Variants in NLRC4 observed in about 807,000 individuals in gnomAD.
The protein encoded by NLRC4 is NLR family CARD domain containing 4, also known as NLR family CARD domain-containing protein 4.
NLRC4 carries 63 observed loss-of-function variants against 79.9 expected under a neutral mutation model. That is an observed-to-expected ratio of 0.79 (90% CI 0.64 to 0.97). The LOEUF is 0.97. Ranked by LOEUF, NLRC4 falls within the 50% of genes least tolerant of loss-of-function variation. The pLI, the probability that NLRC4 is intolerant of heterozygous loss-of-function variation, is 0.00. For synonymous variants in NLRC4, 461 were observed against 456.5 expected (o/e 1.01, Z -0.12); for missense variants, 1,074 against 1,215.2 (o/e 0.88, Z 1.73).
At position 32,251,544 on chromosome 2, in the gene NLRC4, T is replaced by G; in HGVS notation, c.320A>C (p.Asp107Ala). Residue 107 changes from aspartate (D) to alanine (A), a missense_variant, in exon 4 of 9, where the codon GAC becomes GCC. Coordinates refer to ENST00000402280, the MANE Select transcript of NLRC4 (RefSeq NM_001199138.2). ...CAGAAAAGATGGGGTATGGTACAAG[T>G]CCTTTAAATCCTGAGCCAAATCGTC... ...DLDDLAQDLKDLYHTPSFLNF... is the reference protein window; with the variant it reads ...DLDDLAQDLKALYHTPSFLNF... The G allele has an allele frequency of 6.2e-7, 1 of 1,612,750 alleles. No homozygotes were observed. The highest frequency in any genetic ancestry group is 8.5e-7 in the Non-Finnish European group (1 of 1,179,420).
Position 32,251,322 on chromosome 2 carries a change from C to G in NLRC4, c.542G>C (p.Arg181Pro), listed in dbSNP as rs774856648. 4 of 1,614,092 alleles carry G rather than the reference C, an allele frequency of 2.5e-6. No homozygotes were observed. The Admixed American group carries it at 6.7e-5, about 27-fold the overall frequency. The stretch of plus-strand genomic sequence containing the variant: ...TCCGGAGCCCCAGAGCATGGCAATT[C>G]GCTGCAGCAGAGTGGACTTGCCTTT... Reference protein sequence around the residue: ...SGKGKSTLLQRIAMLWGSGKC... With the variant: ...SGKGKSTLLQPIAMLWGSGKC... Residue 181 changes from arginine (R) to proline (P), a missense_variant, in exon 4 of 9, where the codon CGA becomes CCA. Transcript: ENST00000402280.
intron 8 of NLRC4, among the ~76,000 whole-genome samples, chr2:32,234,197 C>T (rs1404502491): frequency 2.6e-5 from 4 of 151,902 alleles, no homozygotes; most frequent in Middle Eastern, 3.4e-3. Flanking sequence ...CTGGCTAACA[C>T]GGTGAAACTC....
chr2:32,250,088 G>A lies in NLRC4; in HGVS notation c.1776C>T (p.Pro592=), dbSNP rs186059604. 20 of 1,614,182 alleles carry A rather than the reference G, an allele frequency of 1.2e-5. No individual in the cohort carries two copies. Among genetic ancestry groups the A allele is most frequent in the East Asian group, 8.9e-5 (4 of 44,892 alleles). ...KSLYINSGNI[P]DYLFDFFEHL... ...GTTCAAAGAAGTCAAATAAGTAATC[G>A]GGGATGTTCCCTGAGTTGATATATA... Residue 592 remains proline, a synonymous_variant, in exon 4 of 9, where the codon CCC becomes CCT. Coordinates refer to ENST00000402280, the MANE Select transcript of NLRC4 (RefSeq NM_001199138.2). This position sits in a 1 kb window ranked among gnomAD's most constrained non-coding sequence, Gnocchi z 4.9.
At chr2:32,226,031 A>G (rs1378682683) in intron 8 of NLRC4, among the ~76,000 whole-genome samples, 1 of 152,194 alleles carries the variant, frequency 6.6e-6, no homozygotes, top group African/African-American at 2.4e-5. Flanking sequence ...CAGTGAGAAG[A>G]CCACTAAAGA....
intron 1 of NLRC4, among the ~76,000 whole-genome samples, chr2:32,261,316 C>CCCCTTTTTT: frequency 1.5e-4 from 15 of 96,920 alleles, no homozygotes; most frequent in South Asian, 3.1e-4. Context: ...AGCCTCCCCC[C>CCCCTTTTTT]TTTTGTTTTT....
rs776852948 is a variant in NLRC4 at position 32,251,470 on chromosome 2, T to C, written c.394A>G (p.Ser132Gly). Residue 132 changes from serine (S) to glycine (G), a missense_variant, in exon 4 of 9, where the codon AGC (serine) becomes GGC (glycine). Coordinates refer to ENST00000402280, the MANE Select transcript of NLRC4 (RefSeq NM_001199138.2). ...CACAGGACAGGTTCTGTGAAGGTGC[T>C]TTTCAAGTTAAAAATAATGTCAATA... ...EDIDIIFNLK[S>G]TFTEPVLWRK... is the part of the protein sequence containing the mutation. 1 of 1,614,002 alleles carries C rather than the reference T, an allele frequency of 6.2e-7. No homozygotes were observed. The highest frequency in any genetic ancestry group is 8.5e-7 in the Non-Finnish European group (1 of 1,180,008).
In NLRC4 at chr2:32,251,447, CA is replaced by C; in HGVS notation, c.416del (p.Leu139ArgfsTer14). 1 of 1,614,146 alleles carries C rather than the reference CA, an allele frequency of 6.2e-7. No homozygotes were observed. On this transcript the variant is annotated frameshift_variant, in exon 4 of 9. Coordinates refer to ENST00000402280, the MANE Select transcript of NLRC4 (RefSeq NM_001199138.2). LOFTEE classifies it high-confidence loss of function. ...GGTGATGGTGTTGGTCCTTCCTCCA[CA>C]GGACAGGTTCTGTGAAGGTGCTTTT... ...NLKSTFTEPVLWRKDQHHHRV... is the reference protein window; with the variant it reads ...NLKSTFTEPVXWRKDQHHHRV...
In NLRC4 at chr2:32,253,521, T is replaced by C. The variant is rs1687133705; in HGVS notation, c.2-842A>G. 1.3e-5 allele frequency among the ~76,000 whole-genome samples: 2 copies of C among 152,168 alleles called. 1 individual carries two copies. The highest frequency in any genetic ancestry group is 4.1e-4 in the South Asian group (2 of 4,832). On this transcript the variant is annotated intron_variant, in intron 2 of 8. Transcript: ENST00000402280. ...GCTTTGGTGAAGAAGTAAGGTGAGT[T>C]ATCTTGTCCCTCTGATATAAAGCAG...
chr2:32,233,349 AT>A (rs1176305976), intron 8 of NLRC4, among the ~76,000 whole-genome samples: 3,067 of 40,258 alleles, frequency 0.076, 55 homozygotes, highest in Non-Finnish European at 0.095. Context: ...ATATATATAT[AT>A]TTTTTTTTTT....
In NLRC4 at chr2:32,251,404, G is replaced by C; in HGVS notation, c.460C>G (p.Leu154Val). 6.2e-7 allele frequency: 1 copy of C among 1,614,128 alleles called. No individual in the cohort carries two copies. Among genetic ancestry groups the C allele is most frequent in the East Asian group, 2.2e-5 (1 of 44,876 alleles). ...TGAAGAGCCTGCAGGAGGCCATTCAGGGTCAGCTGCTCCACGCGGTGATGG... is the reference window on the plus strand; with the variant it reads ...TGAAGAGCCTGCAGGAGGCCATTCACGGTCAGCTGCTCCACGCGGTGATGG... Reference protein sequence around the residue: ...QHHHRVEQLTLNGLLQALQSP... With the variant: ...QHHHRVEQLTVNGLLQALQSP... Residue 154 changes from leucine (L) to valine (V), a missense_variant, in exon 4 of 9, where the codon CTG (leucine) becomes GTG (valine). Coordinates refer to ENST00000402280, the MANE Select transcript of NLRC4 (RefSeq NM_001199138.2).
intron 8 of NLRC4, among the ~76,000 whole-genome samples, chr2:32,230,302 C>T (rs1185019880): frequency 6.6e-6 from 1 of 152,044 alleles, no homozygotes; most frequent in East Asian, 1.9e-4. Context: ...GTAAGATTGC[C>T]AGGAAATATT....
At chr2:32,262,604 A>C (rs1234566076) in intron 1 of NLRC4, among the ~76,000 whole-genome samples, 5 of 151,906 alleles carry the variant, frequency 3.3e-5, no homozygotes, top group African/African-American at 1.2e-4. Context: ...GTGAAACCCC[A>C]TCTCTGCTAA....
intron 4 of NLRC4, among the ~76,000 whole-genome samples, chr2:32,246,132 C>T (rs1038593510): frequency 6.6e-6 from 1 of 152,094 alleles, no homozygotes; most frequent in African/African-American, 2.4e-5. Flanking sequence ...TGCAGTGAGC[C>T]AAGATTGTGC....
At chr2:32,233,184 GGAA>G (rs1686585380) in intron 8 of NLRC4, among the ~76,000 whole-genome samples, 1 of 93,678 alleles carries the variant, frequency 1.1e-5, no homozygotes, top group Admixed American at 1.1e-4. Flanking sequence ...AAGGAAGGAA[GGAA>G]GGAAGGAAGG....
intron 4 of NLRC4, among the ~76,000 whole-genome samples, chr2:32,246,044 T>G (rs991859612): frequency 1.3e-5 from 2 of 151,852 alleles, no homozygotes; most frequent in Non-Finnish European, 2.9e-5. Flanking sequence ...ATTAGCCAGG[T>G]GTGGTGGTGC....
Position 32,250,299 on chromosome 2 carries a change from G to C in NLRC4, c.1565C>G (p.Ser522Cys). 1 of 1,614,204 alleles carries C rather than the reference G, an allele frequency of 6.2e-7. No individual in the cohort carries two copies. ...TCTCCAGAGAGGCCTCTTGGCGATG[G>C]AAAGTCCGAGAAGGCAGCCGTGTTG... ...VYQHGCLLGL[S>C]IAKRPLWRQE... The change falls in exon 4 of 9, where the codon TCC (serine) becomes TGC (cysteine). Residue 522 changes from serine (S) to cysteine (C), a missense_variant. By Grantham distance (112) the Ser-to-Cys change is moderately radical. Coordinates refer to ENST00000402280, the MANE Select transcript of NLRC4 (RefSeq NM_001199138.2). The surrounding 1 kb of genome is among the most constrained non-coding windows in gnomAD (Gnocchi z 4.9).
chr2:32,245,915 G>A (rs1686924649), intron 4 of NLRC4, among the ~76,000 whole-genome samples: 1 of 152,198 alleles, frequency 6.6e-6, no homozygotes, highest in Non-Finnish European at 1.5e-5. Flanking sequence ...CAGGTGTGGT[G>A]GCTCACACCT....
Position 32,249,662 on chromosome 2 carries a change from A to C in NLRC4, c.2202T>G (p.Ser734=), listed in dbSNP as rs776460333. ...LTIEDERHIT[S]VTNLKTLSIH... is the part of the protein sequence containing the mutation. ...TACTCAAGGTTTTCAGGTTTGTTACAGATGTGATGTGCCTCTCATCTTCTA... is the reference window on the plus strand; with the variant it reads ...TACTCAAGGTTTTCAGGTTTGTTACCGATGTGATGTGCCTCTCATCTTCTA... Residue 734 remains serine, a synonymous_variant, in exon 4 of 9, where the codon TCT becomes TCG. Coordinates refer to ENST00000402280, the MANE Select transcript of NLRC4 (RefSeq NM_001199138.2). 3.1e-6 allele frequency: 5 copies of C among 1,613,146 alleles called. No individual in the cohort carries two copies. In the South Asian group the frequency reaches 5.5e-5, roughly 18 times the overall value.
intron 5 of NLRC4, among the ~76,000 whole-genome samples, chr2:32,240,364 G>A (rs1474042879): frequency 7.2e-6 from 1 of 139,528 alleles, no homozygotes; most frequent in Non-Finnish European, 1.5e-5. Flanking sequence ...GAAGAGAGGA[G>A]TATTTTAGTG....
Sources: allele counts gnomAD v4.1 joint callset (sites outside exome capture counted in the v4.1 genomes callset), GRCh38; gene constraint gnomAD v4.1.1; non-coding constraint Gnocchi (gnomAD v3.1); transcripts MANE v1.5; gene names NCBI Gene and HGNC (gene_info 2026-07-23, HGNC 2026-07-21).